The following SUSD5 variants were observed in gnomAD, a reference collection of about 807,000 sequenced individuals.
SUSD5 encodes sushi domain containing 5, also known as sushi domain-containing protein 5.
A neutral mutation model predicts 29.5 loss-of-function variants in SUSD5; 33 were observed. The ratio of observed to expected loss-of-function variants is 1.12; its 90% CI spans 0.85 to 1.49. The LOEUF (loss-of-function observed/expected upper bound fraction) is 1.49, where lower values mean the gene tolerates loss of function less well. Ranked by LOEUF, SUSD5 falls within the 40% of genes most tolerant of loss-of-function variation. SUSD5 has a pLI of 0.00. For missense variants in SUSD5, 776 were observed against 800.6 expected (o/e 0.97, Z 0.37); for synonymous variants, 308 against 325.3 (o/e 0.95, Z 0.57).
Position 33,152,690 on chromosome 3 carries a change from T to C in SUSD5, c.*52A>G. The C allele has an allele frequency of 6.6e-7, 1 of 1,522,724 alleles. No individual in the cohort carries two copies. The highest frequency in any genetic ancestry group is 8.9e-7 in the Non-Finnish European group (1 of 1,129,172). 94.3% of individuals were successfully genotyped at this position (1,522,724 alleles called of 1,614,324 possible). On this transcript the variant is annotated 3_prime_UTR_variant, in exon 5 of 5. Coordinates refer to ENST00000309558, the MANE Select transcript of SUSD5 (RefSeq NM_015551.2). Reference sequence around the variant, plus strand: ...CTCTAGTGAATTATCGTGTGATGTGTCACAGTTATTTTCCTCCCAAGTGGC... The same window carrying C: ...CTCTAGTGAATTATCGTGTGATGTGCCACAGTTATTTTCCTCCCAAGTGGC...
intron 3 of SUSD5, among the ~76,000 whole-genome samples, chr3:33,197,116 CT>C (rs2032011054): frequency 6.6e-6 from 1 of 152,002 alleles, no homozygotes; most frequent in Non-Finnish European, 1.5e-5. Flanking sequence ...GAGCTGCAGC[CT>C]CAGGGTCAAA....
chr3:33,179,342 C>A (rs114784286), intron 3 of SUSD5, among the ~76,000 whole-genome samples: 17 of 152,126 alleles, frequency 1.1e-4, no homozygotes, highest in African/African-American at 4.1e-4. Context: ...CCCGAAGAAC[C>A]AGGGAAAACT....
chr3:33,198,148 T>TA (rs1258472820), intron 3 of SUSD5, among the ~76,000 whole-genome samples: 2 of 152,228 alleles, frequency 1.3e-5, no homozygotes, highest in Non-Finnish European at 2.9e-5. Flanking sequence ...TTTATGTTGT[T>TA]AGAGTTATGT....
rs973165078 is a variant in SUSD5 at position 33,150,674 on chromosome 3, G to A, written c.*2068C>T. ...TTCAGGCTTTATTTTACCCAACTAT[G>A]GGGAATAAGATCTTTGATTATGCTG... On this transcript the variant is annotated 3_prime_UTR_variant, in exon 5 of 5. Coordinates refer to ENST00000309558, the MANE Select transcript of SUSD5 (RefSeq NM_015551.2). The A allele has an allele frequency of 6.6e-6, 1 of 152,142 alleles. No homozygotes were observed. The highest frequency in any genetic ancestry group is 1.5e-5 in the Non-Finnish European group (1 of 68,032). The allele number at this position is 152,142 out of a possible 1,614,324, so 9.4% of individuals were successfully genotyped here. A position where few individuals can be genotyped will look rare whatever the true frequency, so the allele number is the denominator to read the frequency against.
At chr3:33,161,119 A>C (rs2031179447) in intron 4 of SUSD5, among the ~76,000 whole-genome samples, 1 of 152,224 alleles carries the variant, frequency 6.6e-6, no homozygotes, top group Admixed American at 6.5e-5. Flanking sequence ...CAGGAAGGAA[A>C]GAACAATGAA....
intron 3 of SUSD5, among the ~76,000 whole-genome samples, chr3:33,194,808 T>C (rs2031964161): frequency 6.6e-6 from 1 of 152,232 alleles, no homozygotes; most frequent in African/African-American, 2.4e-5. Flanking sequence ...GCTAAAAGGA[T>C]ACAGAGTAAC....
chr3:33,218,678 A>G lies in SUSD5; in HGVS notation c.112+8T>C. ...CACCCCCCGCCCCGCCGCCTCCCGC[A>G]CACTCACCATCCGCCCGCACCGAAA... On this transcript the variant is annotated splice_region_variant and intron_variant, in intron 1 of 4. Coordinates refer to ENST00000309558, the MANE Select transcript of SUSD5 (RefSeq NM_015551.2). The G allele has an allele frequency of 7.8e-7, 1 of 1,282,352 alleles. No individual in the cohort carries two copies. The highest frequency in any genetic ancestry group is 9.9e-7 in the Non-Finnish European group (1 of 1,012,340). The allele number at this position is 1,282,352 out of a possible 1,614,324, so 79.4% of individuals were successfully genotyped here. A position where few individuals can be genotyped will look rare whatever the true frequency, so the allele number is the denominator to read the frequency against.
At chr3:33,202,024 TTATCTATCTATC>T (rs60454731) in intron 3 of SUSD5, among the ~76,000 whole-genome samples, 3 of 146,646 alleles carry the variant, frequency 2.0e-5, no homozygotes, top group South Asian at 4.3e-4. Flanking sequence ...AGGGGAGAAG[TTATCTATCTATC>T]TATCTATCTA....
chr3:33,202,911 GAGGCAC>G (rs2032147048), intron 3 of SUSD5, among the ~76,000 whole-genome samples: 1 of 152,178 alleles, frequency 6.6e-6, no homozygotes, highest in African/African-American at 2.4e-5. Context: ...GGCTCTTTAT[GAGGCAC>G]AGGTCTGCCA....
chr3:33,206,412 AGTGTGTGTGTGTGTGTGT>A (rs5847777), intron 3 of SUSD5, among the ~76,000 whole-genome samples: 41 of 148,678 alleles, frequency 2.8e-4, no homozygotes, highest in African/African-American at 9.9e-4. Flanking sequence ...AATTTACTTG[AGTGTGTGTGTGTGTGTGT>A]GTGTGTGTGT....
At chr3:33,197,660 G>A (rs34641615) in intron 3 of SUSD5, among the ~76,000 whole-genome samples, 21,508 of 151,936 alleles carry the variant, frequency 0.14, 1,673 homozygotes, top group East Asian at 0.26. Flanking sequence ...CAACTATTAA[G>A]CTACTTTCGC....
intron 4 of SUSD5, among the ~76,000 whole-genome samples, chr3:33,163,630 G>A (rs2031239092): frequency 6.6e-6 from 1 of 152,140 alleles, no homozygotes; most frequent in Non-Finnish European, 1.5e-5. Context: ...GGGAGGCCAA[G>A]GTGAGTGGAT....
At chr3:33,173,959 A>G (rs561268005) in intron 4 of SUSD5, among the ~76,000 whole-genome samples, 22 of 152,228 alleles carry the variant, frequency 1.4e-4, no homozygotes, top group Admixed American at 6.5e-5. Context: ...GCTGCTGGAG[A>G]AATTCCCAAG....
At chr3:33,158,005 T>C (rs2031093064) in intron 4 of SUSD5, among the ~76,000 whole-genome samples, 2 of 152,260 alleles carry the variant, frequency 1.3e-5, no homozygotes, top group Non-Finnish European at 2.9e-5. Flanking sequence ...CCCCAAGGCA[T>C]TGTGTCCCTA....
At chr3:33,214,829 C>T (rs2032397882) in intron 1 of SUSD5, among the ~76,000 whole-genome samples, 1 of 152,018 alleles carries the variant, frequency 6.6e-6, no homozygotes, top group South Asian at 2.1e-4. Flanking sequence ...CACTGAGGTC[C>T]CCAGGAGCCT....
chr3:33,207,137 G>C (rs923160492), intron 3 of SUSD5, among the ~76,000 whole-genome samples: 1 of 152,138 alleles, frequency 6.6e-6, no homozygotes, highest in African/African-American at 2.4e-5. Flanking sequence ...TTTCCCAATA[G>C]GAATTTGGAT....
intron 3 of SUSD5, among the ~76,000 whole-genome samples, chr3:33,203,278 ACTCT>A (rs1026706806): frequency 1.3e-5 from 2 of 152,044 alleles, no homozygotes; most frequent in Non-Finnish European, 2.9e-5. Context: ...CAGGGATAGA[ACTCT>A]CTCTGAGTAA....
chr3:33,214,175 T>C (rs1021991745), intron 1 of SUSD5, 70 bp from the exon 2 acceptor site: 3 of 1,455,940 alleles, frequency 2.1e-6, no homozygotes, highest in Non-Finnish European at 2.8e-6. Flanking sequence ...GCAAACATCC[T>C]CTGGCAGACG....
chr3:33,196,898 C>G (rs992041513), intron 3 of SUSD5, among the ~76,000 whole-genome samples: 1 of 152,180 alleles, frequency 6.6e-6, no homozygotes, highest in Non-Finnish European at 1.5e-5. Flanking sequence ...CCTGTAGAGT[C>G]TGGGTTTGAG....
Sources: allele counts gnomAD v4.1 joint callset (sites outside exome capture counted in the v4.1 genomes callset), GRCh38; gene constraint gnomAD v4.1.1; transcripts MANE v1.5; gene names NCBI Gene and HGNC (gene_info 2026-07-23, HGNC 2026-07-21).